SLC44A5: variants seen among roughly 807,000 people sequenced by gnomAD.
SLC44A5 encodes choline transporter-like protein 5.
A neutral mutation model predicts 101.8 loss-of-function variants in SLC44A5; 57 were observed. The ratio of observed to expected loss-of-function variants is 0.56; its 90% CI spans 0.45 to 0.70. SLC44A5 has a LOEUF of 0.70. Among genes scored for constraint, SLC44A5 ranks in the 30% least tolerant of loss-of-function variants. The probability of loss-of-function intolerance (pLI) is 0.00; values close to 1 mark genes in which losing one functional copy is unlikely to be tolerated. For synonymous variants in SLC44A5, 281 were observed against 290.9 expected, an observed-to-expected ratio of 0.97 and a Z score of 0.35; for missense variants, 737 against 853.1, an observed-to-expected ratio of 0.86 and a Z score of 1.70.
the SLC44A5 span, among the ~76,000 whole-genome samples, chr1:75,671,913 A>G: frequency 1.3e-5 from 2 of 152,212 alleles, no homozygotes; most frequent in African/African-American, 4.8e-5. Flanking sequence ...AATAATACCT[A>G]ATATGCGTTA....
intron 3 of SLC44A5, among the ~76,000 whole-genome samples, chr1:75,341,291 A>G (rs1430249029): frequency 6.6e-6 from 1 of 152,146 alleles, no homozygotes; most frequent in African/African-American, 2.4e-5. Flanking sequence ...GCTTGAGGCC[A>G]GGAGTTCCAG....
At chr1:75,206,452 C>T (rs1345825777) in intron 23 of SLC44A5, 6 of 576,270 alleles carry the variant, frequency 1.0e-5, no homozygotes, top group Non-Finnish European at 1.8e-5. Context: ...CAGCTAATGT[C>T]ATCAAATACC....
At chr1:75,216,563 A>G (rs1009331661) in intron 18 of SLC44A5, among the ~76,000 whole-genome samples, 2 of 151,902 alleles carry the variant, frequency 1.3e-5, no homozygotes, top group Admixed American at 1.3e-4. Flanking sequence ...CCCTCCAGCA[A>G]TACACAGGGT....
the SLC44A5 span, among the ~76,000 whole-genome samples, chr1:75,646,494 T>C: frequency 1.3e-5 from 2 of 152,166 alleles, no homozygotes; most frequent in Non-Finnish European, 2.9e-5. Context: ...TGTGTATTTC[T>C]ATGGACAGTT....
intron 4 of SLC44A5, among the ~76,000 whole-genome samples, chr1:75,308,610 C>A (rs1457965745): frequency 1.3e-5 from 2 of 152,026 alleles, no homozygotes; most frequent in East Asian, 3.9e-4. Context: ...ACAGGTGGGG[C>A]ATTGTAGACC....
At chr1:75,685,243 T>C in the SLC44A5 span, among the ~76,000 whole-genome samples, 1 of 152,168 alleles carries the variant, frequency 6.6e-6, no homozygotes, top group African/African-American at 2.4e-5. Context: ...CCTCCTGACT[T>C]GGGATAAGAG....
intron 2 of SLC44A5, among the ~76,000 whole-genome samples, chr1:75,472,421 A>G (rs1667163261): frequency 6.6e-6 from 1 of 152,188 alleles, no homozygotes; most frequent in African/African-American, 2.4e-5. Flanking sequence ...GAAAAAAAAT[A>G]AATTTTCATG....
the SLC44A5 span, chr1:75,642,232 A>G: frequency 2.4e-3 from 1,313 of 537,880 alleles, 7 homozygotes; most frequent in Non-Finnish European, 3.5e-3. Flanking sequence ...CAATCACTTG[A>G]TATTATGATG....
At chr1:75,455,751 G>T (rs1666151686) in intron 2 of SLC44A5, among the ~76,000 whole-genome samples, 1 of 152,014 alleles carries the variant, frequency 6.6e-6, no homozygotes, top group Non-Finnish European at 1.5e-5. Context: ...ACAAATATAT[G>T]AAAAGATTGT....
chr1:75,311,126 TTTC>T (rs1319437413), intron 4 of SLC44A5, among the ~76,000 whole-genome samples: 2 of 152,040 alleles, frequency 1.3e-5, no homozygotes, highest in African/African-American at 4.8e-5. Context: ...CTTTTTTTTT[TTTC>T]TTTTTGAGAT....
intron 23 of SLC44A5, among the ~76,000 whole-genome samples, chr1:75,208,029 G>A (rs1317568025): frequency 6.6e-6 from 1 of 152,110 alleles, no homozygotes; most frequent in Non-Finnish European, 1.5e-5. Context: ...CAAATTGCAA[G>A]ATTAGTGTTG....
At chr1:75,596,846 CT>C (rs779426208) in intron 1 of SLC44A5, among the ~76,000 whole-genome samples, 7 of 152,098 alleles carry the variant, frequency 4.6e-5, no homozygotes, top group Non-Finnish European at 8.8e-5. Context: ...CAGCATTATA[CT>C]GAATGGACAA....
intron 13 of SLC44A5, among the ~76,000 whole-genome samples, chr1:75,224,606 T>C (rs757197617): frequency 2.0e-5 from 3 of 152,128 alleles, no homozygotes; most frequent in Non-Finnish European, 4.4e-5. Context: ...GTTTCTAATT[T>C]TTTAGATAAA....
At chr1:75,352,502 G>T (rs1323080407) in intron 3 of SLC44A5, among the ~76,000 whole-genome samples, 1 of 151,878 alleles carries the variant, frequency 6.6e-6, no homozygotes, top group Non-Finnish European at 1.5e-5. Flanking sequence ...GAACTTCAGA[G>T]AAGAAAATCC....
At chr1:75,549,758 G>C (rs1166584319) in intron 1 of SLC44A5, among the ~76,000 whole-genome samples, 1 of 152,126 alleles carries the variant, frequency 6.6e-6, no homozygotes, top group Non-Finnish European at 1.5e-5. Context: ...TTCTGGAGAA[G>C]TAACATTATA....
chr1:75,265,189 A>G (rs528241302), intron 6 of SLC44A5, among the ~76,000 whole-genome samples: 2 of 152,368 alleles, frequency 1.3e-5, no homozygotes, highest in East Asian at 3.9e-4. Flanking sequence ...GAGAAGAATT[A>G]AAACCACTTC....
At chr1:75,541,173 C>A (rs990062482) in intron 2 of SLC44A5, among the ~76,000 whole-genome samples, 13 of 152,106 alleles carry the variant, frequency 8.5e-5, no homozygotes, top group Non-Finnish European at 1.3e-4. Context: ...AAACCACATA[C>A]CCCCAGCTTG....
chr1:75,531,451 A>G (rs930070597), intron 2 of SLC44A5, among the ~76,000 whole-genome samples: 2 of 152,196 alleles, frequency 1.3e-5, no homozygotes, highest in Non-Finnish European at 2.9e-5. Context: ...GGGCTACCCT[A>G]TAAGGTCAGG....
the SLC44A5 span, among the ~76,000 whole-genome samples, chr1:75,668,094 C>T: frequency 8.6e-4 from 131 of 152,160 alleles, 4 homozygotes; most frequent in East Asian, 0.022. Flanking sequence ...GTGTCTATTG[C>T]CATGTTTCTG....
Sources: allele counts gnomAD v4.1 joint callset (sites outside exome capture counted in the v4.1 genomes callset), GRCh38; gene constraint gnomAD v4.1.1; transcripts MANE v1.5; gene names NCBI Gene and HGNC (gene_info 2026-07-23, HGNC 2026-07-21).